ZMYND12: variants seen among roughly 807,000 people sequenced by gnomAD.
ZMYND12 encodes the protein zinc finger MYND-type containing 12, also known as zinc finger MYND domain-containing protein 12.
ZMYND12 carries 32 observed loss-of-function variants against 41.7 expected under a neutral mutation model. The observed-to-expected ratio is 0.77, with a 90% confidence interval of 0.58 to 1.03. ZMYND12 has a LOEUF of 1.03. Among genes scored for constraint, ZMYND12 ranks in the 50% least tolerant of loss-of-function variants. ZMYND12 has a pLI of 0.00. For synonymous variants in ZMYND12, 148 were observed against 164.8 expected (o/e 0.90, Z 0.78); for missense variants, 424 against 438.5 (o/e 0.97, Z 0.30).
At chr1:42,435,438 G>T in intron 5 of ZMYND12, 53 bp from the exon 6 acceptor site, 1 of 1,383,316 alleles carries the variant, frequency 7.2e-7, no homozygotes, top group Non-Finnish European at 1.0e-6. Flanking sequence ...TCAGCCGTCG[G>T]ACCAGGCAGG....
At chr1:42,437,463 TG>T (rs1223701137) in intron 4 of ZMYND12, among the ~76,000 whole-genome samples, 3 of 151,618 alleles carry the variant, frequency 2.0e-5, no homozygotes, top group Non-Finnish European at 4.4e-5. Context: ...TGTGTGTGTG[TG>T]TGTGTGTGTG....
intron 3 of ZMYND12, 130 bp from the exon 4 acceptor site, chr1:42,440,155 C>G (rs1236023061): frequency 3.2e-6 from 3 of 926,270 alleles, no homozygotes; most frequent in Non-Finnish European, 4.4e-6. Context: ...AAAACTCATA[C>G]AGGAATGTTC....
At chr1:42,449,797 T>C (rs375919274) in intron 2 of ZMYND12, 121 bp downstream of exon 2, 14 of 1,243,374 alleles carry the variant, frequency 1.1e-5, no homozygotes, top group African/African-American at 3.0e-5. Context: ...TAAAAAGATA[T>C]AAAACAAAGT....
chr1:42,455,888 C>T lies in ZMYND12; in HGVS notation c.110G>A (p.Cys37Tyr), dbSNP rs753191157. Residue 37 changes from cysteine (C) to tyrosine (Y), a missense_variant and splice_region_variant, in exon 1 of 8, where the codon TGT (cysteine) becomes TAT (tyrosine). Cys to Tyr is a radical substitution (Grantham distance 194, BLOSUM62 -2). Coordinates refer to ENST00000372565, the MANE Select transcript of ZMYND12 (RefSeq NM_032257.5). ...VCAACTVTYY[C>Y]GVVHQKADWD... The stretch of plus-strand genomic sequence containing the variant: ...CCAGGTGCCACGTTTCAGGGCCTAC[C>T]AGTAATAAGTGACTGTGCAGGCCGC... 1 of 1,607,754 alleles carries T rather than the reference C, an allele frequency of 6.2e-7. No individual in the cohort carries two copies. The highest frequency in any genetic ancestry group is 1.1e-5 in the South Asian group (1 of 90,712).
chr1:42,436,269 C>A, intron 5 of ZMYND12, 152 bp downstream of exon 5: 1 of 981,174 alleles, frequency 1.0e-6, no homozygotes, highest in Non-Finnish European at 1.5e-6. Context: ...TGGAGTATAT[C>A]ATGTATCAGG....
intron 3 of ZMYND12, among the ~76,000 whole-genome samples, chr1:42,440,781 G>A (rs1041647540): frequency 1.1e-4 from 16 of 151,964 alleles, no homozygotes; most frequent in Non-Finnish European, 1.9e-4. Context: ...TGATTCTCAT[G>A]CCTCAGCCTT....
At chr1:42,440,114 A>G (rs1642953533) in intron 3 of ZMYND12, 89 bp from the exon 4 acceptor site, 1 of 1,340,794 alleles carries the variant, frequency 7.5e-7, no homozygotes, top group Admixed American at 2.7e-5. Flanking sequence ...TCACTCATGT[A>G]TTCATTGACT....
At chr1:42,437,649 A>G (rs1046234581) in intron 4 of ZMYND12, among the ~76,000 whole-genome samples, 45 of 150,920 alleles carry the variant, frequency 3.0e-4, no homozygotes, top group Admixed American at 1.1e-3. Flanking sequence ...AGCGGCTGGC[A>G]TGACAGGCAC....
chr1:42,448,355 T>A (rs1237468222), intron 3 of ZMYND12, 112 bp downstream of exon 3: 1 of 1,285,540 alleles, frequency 7.8e-7, no homozygotes, highest in Non-Finnish European at 1.0e-6. Context: ...ACCCTGCTCC[T>A]TCTACAATAG....
intron 7 of ZMYND12, among the ~76,000 whole-genome samples, chr1:42,431,419 C>T (rs752991029): frequency 3.7e-4 from 57 of 152,040 alleles, no homozygotes; most frequent in South Asian, 8.3e-4. Context: ...AAGTAAAACA[C>T]GACAGTATCT....
chr1:42,443,671 G>A (rs10493107), intron 3 of ZMYND12, among the ~76,000 whole-genome samples: 34,698 of 151,988 alleles, frequency 0.23, 4,971 homozygotes, highest in Non-Finnish European at 0.31. Context: ...CCTTTGCATC[G>A]GTGGTCTAAG....
In ZMYND12 at chr1:42,430,770, C is replaced by T; in HGVS notation, c.1064G>A (p.Ser355Asn). Residue 355 changes from serine to asparagine, a missense_variant, in exon 8 of 8, where the codon AGT becomes AAT. Ser to Asn is a conservative substitution (Grantham distance 46, BLOSUM62 1). Coordinates refer to ENST00000372565, the MANE Select transcript of ZMYND12 (RefSeq NM_032257.5). Reference protein sequence around the residue: ...HEQSTIQELLSLISTEDHPIT With the variant: ...HEQSTIQELLNLISTEDHPIT ...GGGATGGTCTTCAGTTGAAATGAGA[C>T]TTAATAACTCTTGAATGGTGCTTTG... The T allele has an allele frequency of 2.5e-6, 4 of 1,614,158 alleles. No homozygotes were observed. Among genetic ancestry groups the T allele is most frequent in the South Asian group, 1.1e-5 (1 of 91,084 alleles).
chr1:42,455,001 CTCT>C (rs1217021971), intron 1 of ZMYND12, among the ~76,000 whole-genome samples: 1 of 152,194 alleles, frequency 6.6e-6, no homozygotes, highest in Non-Finnish European at 1.5e-5. Context: ...TCATTCTGTG[CTCT>C]TTTTTGTTGT....
At chr1:42,437,377 G>A (rs902269743) in intron 4 of ZMYND12, among the ~76,000 whole-genome samples, 1 of 151,554 alleles carries the variant, frequency 6.6e-6, no homozygotes, top group African/African-American at 2.4e-5. Context: ...CTGTAAATTT[G>A]CTAAAAATAA....
rs181458098 is a variant in ZMYND12, at chr1:42,443,053, A to G, written c.425-3028T>C. Among the ~76,000 whole-genome samples, 4 of 152,326 alleles carry G rather than the reference A, an allele frequency of 2.6e-5. No homozygotes were observed. In the East Asian group the frequency reaches 7.7e-4, roughly 29 times the overall value. ...AAAAAAATGGGACAGGGCATTGACA[A>G]ATATTGGAAATTTAAAATTTTCAAC... On this transcript the variant is annotated intron_variant, in intron 3 of 7. Transcript: ENST00000372565.
At chr1:42,436,348 T>G in intron 5 of ZMYND12, 73 bp downstream of exon 5, 1 of 1,587,538 alleles carries the variant, frequency 6.3e-7, no homozygotes. Context: ...ATGTTTTTCA[T>G]GAATAGTCTA....
intron 3 of ZMYND12, among the ~76,000 whole-genome samples, chr1:42,445,855 G>C (rs770786819): frequency 9.9e-5 from 15 of 152,148 alleles, no homozygotes; most frequent in Non-Finnish European, 2.1e-4. Flanking sequence ...CAGTTAGTAG[G>C]CAGTGGTCTA....
chr1:42,449,023 C>T (rs1309833460), intron 2 of ZMYND12, among the ~76,000 whole-genome samples: 1 of 152,340 alleles, frequency 6.6e-6, no homozygotes, highest in East Asian at 1.9e-4. Context: ...TTGAGAGAAA[C>T]ATCTCATTTT....
intron 1 of ZMYND12, among the ~76,000 whole-genome samples, chr1:42,453,336 T>C (rs898471287): frequency 6.6e-6 from 1 of 152,224 alleles, no homozygotes; most frequent in African/African-American, 2.4e-5. Flanking sequence ...TATGTCTTTT[T>C]TTTCACATTT....
Sources: allele counts gnomAD v4.1 joint callset (sites outside exome capture counted in the v4.1 genomes callset), GRCh38; gene constraint gnomAD v4.1.1; transcripts MANE v1.5; gene names NCBI Gene and HGNC (gene_info 2026-07-23, HGNC 2026-07-21).